Variants in CASP9 observed in about 807,000 individuals in gnomAD.
CASP9 encodes the protein caspase 9.
In CASP9, 29 loss-of-function variants were observed where a neutral mutation model predicts 43.5. That is an observed-to-expected ratio of 0.67 (90% CI 0.50 to 0.91). CASP9 has a LOEUF of 0.91. CASP9 is among the 40% of genes least tolerant of loss of function. The pLI is 0.00. For synonymous variants in CASP9, 206 were observed against 211.9 expected, an observed-to-expected ratio of 0.97 and a Z score of 0.24; for missense variants, 575 against 537.4, an observed-to-expected ratio of 1.07 and a Z score of -0.69.
At chr1:15,514,067 G>C (rs1299856516) in intron 2 of CASP9, among the ~76,000 whole-genome samples, 1 of 152,134 alleles carries the variant, frequency 6.6e-6, no homozygotes, top group Admixed American at 6.5e-5. Context: ...ATATGTATGA[G>C]TGCAGTGTGT....
In CASP9 at chr1:15,508,287, G is replaced by A. The variant is rs527256697; in HGVS notation, c.419-380C>T. Among the ~76,000 whole-genome samples, 8 of 152,332 alleles carry A rather than the reference G, an allele frequency of 5.3e-5. No individual in the cohort carries two copies. The South Asian group carries it at 6.2e-4, about 12-fold the overall frequency. On this transcript the variant is annotated intron_variant, in intron 2 of 8. Transcript: ENST00000333868. ...AGAGAACATTACACAGCCTAAAAAG[G>A]AATGAGCTACTGATGATACAGGAGA...
rs182512636 is a variant in CASP9, at chr1:15,507,513, C to A, written c.453+360G>T. 3.0e-3 allele frequency among the ~76,000 whole-genome samples: 452 copies of A among 152,346 alleles called. 1 individual carries two copies. The highest frequency in any genetic ancestry group is 4.1e-3 in the Non-Finnish European group (278 of 68,036). ...TCTATTTATATACTCATTTGTCTAA[C>A]TTCTCTCTCGCCTAACTGACTGATG... On this transcript the variant is annotated intron_variant, in intron 3 of 8. Transcript: ENST00000333868.
At chr1:15,517,090 T>C (rs748621617) in intron 2 of CASP9, among the ~76,000 whole-genome samples, 2 of 152,172 alleles carry the variant, frequency 1.3e-5, no homozygotes, top group Non-Finnish European at 1.5e-5. Flanking sequence ...TTTGATACCA[T>C]GCAATGGTCC....
intron 7 of CASP9, 48 bp from the exon 8 acceptor site, chr1:15,494,049 C>T (rs774197598): frequency 1.0e-5 from 16 of 1,538,342 alleles, no homozygotes; most frequent in Middle Eastern, 1.7e-4. Flanking sequence ...ACCCCTCCGC[C>T]GGCTCCCCAC....
intron 1 of CASP9, among the ~76,000 whole-genome samples, chr1:15,521,534 T>C (rs547782416): frequency 2.0e-5 from 3 of 152,324 alleles, no homozygotes; most frequent in African/African-American, 7.2e-5. Context: ...TGATCTTTCT[T>C]ATAAGTGCAT....
chr1:15,492,972 G>A lies in CASP9; in HGVS notation c.1222C>T (p.Arg408Trp), dbSNP rs368949486. 29 of 1,613,898 alleles carry A rather than the reference G, an allele frequency of 1.8e-5. No individual in the cohort carries two copies. The highest frequency in any genetic ancestry group is 1.3e-4 in the East Asian group (6 of 44,884). Residue 408 changes from arginine (R) to tryptophan (W), a missense_variant, in exon 9 of 9, where the codon CGG (arginine) becomes TGG (tryptophan). Transcript: ENST00000333868. ...KQMPGCFNFL[R>W]KKLFFKTS ...GATGTTTTAAAGAAAAGTTTTTTCC[G>A]GAGGAAATTAAAGCAACCAGGCATC...
rs1246840161 is a variant in CASP9 at position 15,495,290 on chromosome 1, G to A, written c.1031C>T (p.Ser344Phe). The change falls in exon 7 of 9, where the codon TCC becomes TTC. Residue 344 changes from serine (S) to phenylalanine (F), a missense_variant. Physicochemically the swap from Ser to Phe is radical, Grantham distance 155. Coordinates refer to ENST00000333868, the MANE Select transcript of CASP9 (RefSeq NM_001229.5). ...GTGCTCACCTGGGAAAGTAGAGTAG[G>A]ACACAAAGATGTCACTGGGTGTGGG... is the stretch of plus-strand genomic sequence containing the variant. ...SLPTPSDIFV[S>F]YSTFPGFVSW... 3.1e-6 allele frequency: 5 copies of A among 1,611,270 alleles called. No individual in the cohort carries two copies. Among genetic ancestry groups the A allele is most frequent in the Non-Finnish European group, 3.4e-6 (4 of 1,179,102 alleles).
At chr1:15,499,446 T>C (rs893867166) in intron 6 of CASP9, among the ~76,000 whole-genome samples, 3 of 152,226 alleles carry the variant, frequency 2.0e-5, no homozygotes, top group Non-Finnish European at 4.4e-5. Flanking sequence ...TCTTGCACTA[T>C]GGCAAATCCT....
intron 1 of CASP9, chr1:15,519,778 G>A (rs1001209661): frequency 6.5e-6 from 1 of 152,744 alleles, no homozygotes; most frequent in Non-Finnish European, 1.5e-5. Flanking sequence ...AGGCTGAAGT[G>A]GGAGGATAGC....
chr1:15,519,545 G>T (rs542950022), intron 1 of CASP9, among the ~76,000 whole-genome samples: 1 of 152,276 alleles, frequency 6.6e-6, no homozygotes, highest in South Asian at 2.1e-4. Flanking sequence ...TCATCCAGGG[G>T]TCAGGGTGAA....
chr1:15,493,235 C>T (rs1402859033), intron 8 of CASP9, 200 bp from the exon 9 acceptor site: 3 of 1,412,376 alleles, frequency 2.1e-6, no homozygotes, highest in Non-Finnish European at 2.8e-6. Context: ...TTTCCAAATT[C>T]ATAAAGTTCA....
At chr1:15,506,165 C>A (rs1197786198) in intron 4 of CASP9, 86 bp from the exon 5 acceptor site, 4 of 916,046 alleles carry the variant, frequency 4.4e-6, no homozygotes, top group Middle Eastern at 2.1e-4. Context: ...AGGGCCCAGC[C>A]TGGCCAGGCA....
intron 1 of CASP9, among the ~76,000 whole-genome samples, chr1:15,523,247 G>T (rs4645992): frequency 0.21 from 32,527 of 152,206 alleles, 3,715 homozygotes; most frequent in Middle Eastern, 0.23. Context: ...GGCAGGGTAC[G>T]CTGATCCCCC....
chr1:15,503,773 G>A (rs1709415435), intron 6 of CASP9, among the ~76,000 whole-genome samples: 1 of 152,154 alleles, frequency 6.6e-6, no homozygotes, highest in Non-Finnish European at 1.5e-5. Context: ...TCAGGCTGGA[G>A]GCAAGGAACT....
At chr1:15,497,933 T>G (rs1709173479) in intron 6 of CASP9, among the ~76,000 whole-genome samples, 1 of 152,214 alleles carries the variant, frequency 6.6e-6, no homozygotes, top group South Asian at 2.1e-4. Context: ...AGTATGGTAC[T>G]GGCATAAAGA....
In CASP9 at chr1:15,504,756, G is replaced by A. The variant is rs149499282; in HGVS notation, c.723C>T (p.Ala241=). The part of the protein sequence containing the change: ...VVVILSHGCQ[A]SHLQFPGAVY... ...CAGCCCCTGGGAACTGCAGGTGGCT[G>A]GCCTAGAAGACCAAGAACCCTGGTT... The change falls in exon 6 of 9, where the codon GCC becomes GCT. Residue 241 remains alanine, a splice_region_variant and synonymous_variant. Transcript: ENST00000333868. 1.2e-6 allele frequency: 2 copies of A among 1,610,990 alleles called. No individual in the cohort carries two copies. The highest frequency in any genetic ancestry group is 8.5e-7 in the Non-Finnish European group (1 of 1,178,898).
At chr1:15,520,441 T>C (rs1184436912) in intron 1 of CASP9, among the ~76,000 whole-genome samples, 1 of 152,252 alleles carries the variant, frequency 6.6e-6, no homozygotes, top group Non-Finnish European at 1.5e-5. Flanking sequence ...TAAACATTAT[T>C]AATCATTAGC....
At chr1:15,500,436 T>C (rs1709280824) in intron 6 of CASP9, among the ~76,000 whole-genome samples, 1 of 152,134 alleles carries the variant, frequency 6.6e-6, no homozygotes, top group Non-Finnish European at 1.5e-5. Context: ...GGCAACCCCA[T>C]AATAGTAACA....
chr1:15,514,036 A>G (rs1393674200), intron 2 of CASP9, among the ~76,000 whole-genome samples: 1 of 152,202 alleles, frequency 6.6e-6, no homozygotes, highest in Non-Finnish European at 1.5e-5. Flanking sequence ...ATTATTATTC[A>G]TTGACACTCA....
Sources: allele counts gnomAD v4.1 joint callset (sites outside exome capture counted in the v4.1 genomes callset), GRCh38; gene constraint gnomAD v4.1.1; transcripts MANE v1.5; gene names NCBI Gene and HGNC (gene_info 2026-07-23, HGNC 2026-07-21).